Variants in PFKFB3 observed in about 807,000 individuals in gnomAD.
PFKFB3 encodes the protein 6-phosphofructo-2-kinase/fructose-2,6-bisphosphatase 3.
A neutral mutation model predicts 68.0 loss-of-function variants in PFKFB3; 33 were observed. The ratio of observed to expected loss-of-function variants is 0.49; its 90% CI spans 0.37 to 0.65. The LOEUF is 0.65. Ranked by LOEUF, PFKFB3 falls within the 30% of genes least tolerant of loss-of-function variation. The probability of loss-of-function intolerance (pLI) is 0.00; values close to 1 mark genes in which losing one functional copy is unlikely to be tolerated. For missense variants in PFKFB3, 586 were observed against 712.2 expected, an observed-to-expected ratio of 0.82 and a Z score of 2.02; for synonymous variants, 315 against 288.2, an observed-to-expected ratio of 1.09 and a Z score of -0.94.
At chr10:6,216,089 G>A (rs2148294) in intron 3 of PFKFB3, 36 bp from the exon 4 acceptor site, 1,479,598 of 1,600,086 alleles carry the variant, frequency 0.92, 689,753 homozygotes, top group Non-Finnish European at 0.95. Context: ...CGGATGCACC[G>A]GCGCTGACAT....
intron 1 of PFKFB3, among the ~76,000 whole-genome samples, chr10:6,147,096 A>C (rs1043990814): frequency 2.0e-5 from 3 of 152,150 alleles, no homozygotes; most frequent in Non-Finnish European, 4.4e-5. Context: ...TGGGAACTGC[A>C]GGGAGCCAGG....
In PFKFB3 at chr10:6,184,138, C is replaced by T. The variant is rs576097358; in HGVS notation, c.17-29485C>T. On this transcript the variant is annotated intron_variant, in intron 1 of 14. Coordinates refer to the PFKFB3 transcript ENST00000379789. ...TGCCATCTCGGCTCACTGCAATCTCCGCCTTCTGGGTTCAAGTGATCCTTG... is the reference window on the plus strand; with the variant it reads ...TGCCATCTCGGCTCACTGCAATCTCTGCCTTCTGGGTTCAAGTGATCCTTG... Among the ~76,000 whole-genome samples, 5 of 151,356 alleles carry T rather than the reference C, an allele frequency of 3.3e-5. No individual in the cohort carries two copies. The South Asian group carries it at 8.4e-4, about 25-fold the overall frequency.
At chr10:6,231,843 TGGGCACCCATCACCTCCTGGC>T (rs1381329749) in intron 14 of PFKFB3, among the ~76,000 whole-genome samples, 41 of 149,204 alleles carry the variant, frequency 2.7e-4, no homozygotes, top group Non-Finnish European at 1.6e-4. Context: ...CACCTCCCGG[TGGGCACCCATCACCTCCTGGC>T]GGGCACCCAT....
At chr10:6,313,224 T>C in the PFKFB3 span, among the ~76,000 whole-genome samples, 1 of 152,232 alleles carries the variant, frequency 6.6e-6, no homozygotes, top group East Asian at 1.9e-4. The surrounding 1 kb of genome is among the most constrained non-coding windows in gnomAD (Gnocchi z 4.2). Flanking sequence ...AATGCTTTGA[T>C]TTTATTGCCA....
intron 14 of PFKFB3, among the ~76,000 whole-genome samples, chr10:6,240,698 T>G (rs1831808073): frequency 6.6e-6 from 1 of 152,148 alleles, no homozygotes; most frequent in South Asian, 2.1e-4. Context: ...GTTAACATGA[T>G]TAGTACAGTA....
intron 1 of PFKFB3, among the ~76,000 whole-genome samples, chr10:6,153,388 A>G (rs899627295): frequency 6.6e-6 from 1 of 152,154 alleles, no homozygotes; most frequent in Non-Finnish European, 1.5e-5. Flanking sequence ...AAAACAGACA[A>G]ACCTCGGCCA....
chr10:6,173,538 C>G (rs1475703245), intron 1 of PFKFB3, among the ~76,000 whole-genome samples: 1 of 152,090 alleles, frequency 6.6e-6, no homozygotes, highest in Non-Finnish European at 1.5e-5. Flanking sequence ...TATATATGCT[C>G]ACGTGAAAAG....
chr10:6,166,224 C>T (rs951737330), intron 1 of PFKFB3, among the ~76,000 whole-genome samples: 4 of 151,986 alleles, frequency 2.6e-5, no homozygotes, highest in Non-Finnish European at 4.4e-5. Context: ...TCAGGTGATC[C>T]GCCCGCCTCG....
intron 1 of PFKFB3, chr10:6,150,004 A>C (rs1229698093): frequency 6.6e-6 from 1 of 152,158 alleles, no homozygotes; most frequent in African/African-American, 2.4e-5. Context: ...GGTTGATTCC[A>C]TGTCTTGGCC....
At chr10:6,208,775 C>T (rs1289052926) in intron 1 of PFKFB3, among the ~76,000 whole-genome samples, 1 of 152,092 alleles carries the variant, frequency 6.6e-6, no homozygotes, top group African/African-American at 2.4e-5. Flanking sequence ...CCCGGGGGTG[C>T]CAGCCTCTCA....
rs547569491 is a variant in PFKFB3, at chr10:6,215,260, A to G, written c.242A>G (p.Gln81Arg). Residue 81 changes from glutamine (Q) to arginine (R), a missense_variant, in exon 3 of 15, where the codon CAG (glutamine) becomes CGG (arginine). Gln to Arg is a conservative substitution (Grantham distance 43). Coordinates refer to ENST00000379775, the MANE Select transcript of PFKFB3 (RefSeq NM_004566.4). This position sits in a 1 kb window ranked among gnomAD's most constrained non-coding sequence, Gnocchi z 4.3. The stretch of plus-strand genomic sequence containing the variant: ...GAGTATCGCCGGGAGGCTGTGAAGC[A>G]GTACAGCTCCTACAACTTCTTCCGC... Reference protein sequence around the residue: ...VGEYRREAVKQYSSYNFFRPD... With the variant: ...VGEYRREAVKRYSSYNFFRPD... The G allele has an allele frequency of 2.3e-5, 37 of 1,614,064 alleles. No individual in the cohort carries two copies. In the South Asian group the frequency reaches 3.7e-4, roughly 16 times the overall value.
intron 14 of PFKFB3, among the ~76,000 whole-genome samples, chr10:6,226,737 A>C (rs1452371448): frequency 6.6e-6 from 1 of 152,196 alleles, no homozygotes; most frequent in Admixed American, 6.5e-5. Context: ...TAAAACAAAG[A>C]AAGTGGCTAC....
At chr10:6,153,410 T>A (rs1029337831) in intron 1 of PFKFB3, among the ~76,000 whole-genome samples, 1 of 152,108 alleles carries the variant, frequency 6.6e-6, no homozygotes, top group Non-Finnish European at 1.5e-5. Flanking sequence ...GGAGCTTACA[T>A]GTGAATGGGG....
At chr10:6,316,115 TATGGAGAC>T in the PFKFB3 span, among the ~76,000 whole-genome samples, 1 of 145,646 alleles carries the variant, frequency 6.9e-6, no homozygotes, top group Non-Finnish European at 1.6e-5. Flanking sequence ...GGTGTATGTG[TATGGAGAC>T]GTGGATTTGT....
chr10:6,221,005 G>T, intron 8 of PFKFB3, 140 bp downstream of exon 8: 1 of 807,328 alleles, frequency 1.2e-6, no homozygotes, highest in Non-Finnish European at 2.1e-6. Context: ...CTGTGTGTGC[G>T]CCTGCACGTC....
downstream of PFKFB3, among the ~76,000 whole-genome samples, chr10:6,237,315 C>T (rs917813873): frequency 2.0e-5 from 3 of 152,250 alleles, no homozygotes; most frequent in African/African-American, 4.8e-5. Context: ...ATCGTCCATA[C>T]GGACCTGGCC....
At chr10:6,173,672 G>T (rs1220634244) in intron 1 of PFKFB3, among the ~76,000 whole-genome samples, 1 of 151,982 alleles carries the variant, frequency 6.6e-6, no homozygotes, top group Admixed American at 6.6e-5. Flanking sequence ...CAGAGATCTG[G>T]GGGGCTAGGT....
chr10:6,156,157 G>GTGTGTGTGTGTA (rs1446421004), intron 1 of PFKFB3, among the ~76,000 whole-genome samples: 2 of 151,706 alleles, frequency 1.3e-5, no homozygotes, highest in African/African-American at 4.8e-5. Context: ...GTGTGTGTGT[G>GTGTGTGTGTGTA]TGTGTGTATT....
the PFKFB3 span, among the ~76,000 whole-genome samples, chr10:6,320,084 T>C: frequency 6.6e-6 from 1 of 151,910 alleles, no homozygotes; most frequent in Non-Finnish European, 1.5e-5. Context: ...ACCTGTGGTC[T>C]CAGCTACTTG....
Sources: gnomAD v4.1 joint callset for allele counts (sites outside exome capture counted in the v4.1 genomes callset) on GRCh38, gnomAD v4.1.1 for gene constraint, Gnocchi (gnomAD v3.1) non-coding constraint, MANE v1.5 for transcripts, NCBI Gene and HGNC (gene_info 2026-07-23, HGNC 2026-07-21) for gene names.